Variants in KANK1 observed in about 807,000 individuals in gnomAD.
KANK1 encodes KN motif and ankyrin repeat domain-containing protein 1.
In KANK1, 109 loss-of-function variants were observed where a neutral mutation model predicts 106.2. The ratio of observed to expected loss-of-function variants is 1.03; its 90% CI spans 0.88 to 1.20. The LOEUF is 1.20. Ranked by LOEUF, KANK1 falls within the 50% of genes most tolerant of loss-of-function variation. The pLI is 0.00. For missense variants in KANK1, 2,399 were observed against 1,710.7 expected (o/e 1.40, Z -7.10); for synonymous variants, 873 against 652.2 (o/e 1.34, Z -5.16).
At chr9:717,499 G>A (rs945277781) in intron 3 of KANK1, among the ~76,000 whole-genome samples, 3 of 152,038 alleles carry the variant, frequency 2.0e-5, no homozygotes, top group African/African-American at 2.4e-5. Flanking sequence ...AAAAGGTCAC[G>A]AACATTTTTC....
At chr9:512,253 G>A (rs2059065417) in intron 1 of KANK1, among the ~76,000 whole-genome samples, 1 of 151,012 alleles carries the variant, frequency 6.6e-6, no homozygotes, top group Admixed American at 6.6e-5. Context: ...GTGTGTGTAT[G>A]TATATACACA....
intron 1 of KANK1, among the ~76,000 whole-genome samples, chr9:533,462 A>C (rs998077999): frequency 6.6e-6 from 1 of 152,250 alleles, no homozygotes. Context: ...TGGCAGGCAC[A>C]GTCTAAATAC....
At chr9:542,464 T>C (rs994067185) in intron 1 of KANK1, among the ~76,000 whole-genome samples, 2 of 152,248 alleles carry the variant, frequency 1.3e-5, no homozygotes, top group Non-Finnish European at 2.9e-5. Flanking sequence ...TTGATGAGAA[T>C]GTTAGTACAA....
chr9:519,765 T>C (rs1318761763), intron 1 of KANK1, among the ~76,000 whole-genome samples: 3 of 151,906 alleles, frequency 2.0e-5, no homozygotes, highest in Middle Eastern at 3.4e-3. Flanking sequence ...TTGAGCCTTG[T>C]CGTCTTTGAA....
intron 1 of KANK1, among the ~76,000 whole-genome samples, chr9:597,224 T>C (rs1438356458): frequency 6.6e-6 from 1 of 151,808 alleles, no homozygotes; most frequent in Non-Finnish European, 1.5e-5. Context: ...TTTCAGTTCT[T>C]TTAGGTTCAT....
chr9:574,318 A>C (rs983875460), intron 1 of KANK1, among the ~76,000 whole-genome samples: 1 of 152,198 alleles, frequency 6.6e-6, no homozygotes, highest in South Asian at 2.1e-4. Flanking sequence ...GGCTCGAGGG[A>C]ACATTCCTTT....
rs1256620836 is a variant in KANK1 at position 712,458 on chromosome 9, G to T, written c.1692G>T (p.Leu564=). The part of the protein sequence containing the change: ...ECKNKVVGPE[L]PMNWWIVKER... ...AGAATAAAGTCGTAGGGCCTGAGCTGCCTATGAATTGGTGGATTGTTAAGG... is the reference window on the plus strand; with the variant it reads ...AGAATAAAGTCGTAGGGCCTGAGCTTCCTATGAATTGGTGGATTGTTAAGG... The change falls in exon 3 of 12, where the codon CTG becomes CTT. Residue 564 remains leucine, a synonymous_variant. Coordinates refer to ENST00000382297, the MANE Select transcript of KANK1 (RefSeq NM_015158.5). The T allele has an allele frequency of 6.2e-7, 1 of 1,614,200 alleles. No individual in the cohort carries two copies. Among genetic ancestry groups the T allele is most frequent in the Admixed American group, 1.7e-5 (1 of 60,022 alleles).
chr9:602,516 C>A (rs925009733), intron 1 of KANK1, among the ~76,000 whole-genome samples: 4 of 151,762 alleles, frequency 2.6e-5, no homozygotes, highest in African/African-American at 9.7e-5. Context: ...CCTCAGCCTC[C>A]CAAAGTGCTG....
chr9:695,411 A>G (rs957240705), intron 2 of KANK1, among the ~76,000 whole-genome samples: 1 of 152,078 alleles, frequency 6.6e-6, no homozygotes. Flanking sequence ...CCTGTGCTGG[A>G]CTGGGACTCC....
intron 3 of KANK1, among the ~76,000 whole-genome samples, chr9:724,209 A>G (rs934674177): frequency 6.6e-6 from 1 of 152,142 alleles, no homozygotes; most frequent in African/African-American, 2.4e-5. Flanking sequence ...TGCATTTTTT[A>G]GAGTTCTTTT....
intron 1 of KANK1, among the ~76,000 whole-genome samples, chr9:663,438 G>T (rs979565493): frequency 2.0e-5 from 3 of 152,178 alleles, no homozygotes; most frequent in African/African-American, 7.2e-5. Context: ...AAGCAAATCA[G>T]TAAATACTGT....
At chr9:596,017 G>C (rs906846060) in intron 1 of KANK1, among the ~76,000 whole-genome samples, 1 of 151,846 alleles carries the variant, frequency 6.6e-6, no homozygotes, top group Non-Finnish European at 1.5e-5. Flanking sequence ...TGAGACACAA[G>C]TCTAAATAAC....
chr9:678,628 TAAG>T (rs1816876481), intron 2 of KANK1, among the ~76,000 whole-genome samples: 1 of 152,062 alleles, frequency 6.6e-6, no homozygotes, highest in South Asian at 2.1e-4. Flanking sequence ...CTTAGGAGGC[TAAG>T]ACAGGAATGG....
At chr9:663,150 T>G (rs7874470) in intron 1 of KANK1, among the ~76,000 whole-genome samples, 127,651 of 152,200 alleles carry the variant, frequency 0.84, 53,676 homozygotes, top group East Asian at 0.97. Context: ...AGGAAAAATT[T>G]TTGCTAAGCA....
intron 1 of KANK1, among the ~76,000 whole-genome samples, chr9:514,133 TCCC>T (rs2059158426): frequency 1.4e-5 from 1 of 73,508 alleles, no homozygotes; most frequent in South Asian, 6.2e-4. Flanking sequence ...TCTCTCTCCC[TCCC>T]TCCCTCCCTT....
chr9:589,730 T>C (rs1824374270), intron 1 of KANK1, among the ~76,000 whole-genome samples: 1 of 152,154 alleles, frequency 6.6e-6, no homozygotes. Context: ...GATTGTGGCC[T>C]GAATGAAGAA....
rs3028166 is a variant in KANK1 at position 598,620 on chromosome 9, C to CTTTTTTTTTTTTTTTTTT, written c.-83-78257_-83-78240dup. Among the ~76,000 whole-genome samples, 14 of 46,678 alleles carry CTTTTTTTTTTTTTTTTTT rather than the reference C, an allele frequency of 3.0e-4. 3 individuals are homozygous for CTTTTTTTTTTTTTTTTTT. Among genetic ancestry groups the CTTTTTTTTTTTTTTTTTT allele is most frequent in the Admixed American group, 6.2e-4 (2 of 3,234 alleles). 30.6% of individuals were successfully genotyped at this position (46,678 alleles called of 152,430 possible). On this transcript the variant is annotated intron_variant, in intron 1 of 11. Coordinates refer to ENST00000382297, the MANE Select transcript of KANK1 (RefSeq NM_015158.5). The stretch of plus-strand genomic sequence containing the variant: ...TTTTTTGTTTTGTTTTGTTGGTTTT[C>CTTTTTTTTTTTTTTTTTT]TTTTTTTTTTTTTTTTTTTTTTTTT...
rs1444350424 is a variant in KANK1, at chr9:712,249, G to C, written c.1483G>C (p.Ala495Pro). 6.2e-7 allele frequency: 1 copy of C among 1,614,050 alleles called. No homozygotes were observed. The highest frequency in any genetic ancestry group is 1.1e-5 in the South Asian group (1 of 91,076). ...TAAACTGAAACAAGAGCTGCAGGCTGCTGGATCGAGGAAAAAGGTTGACAA... is the reference window on the plus strand; with the variant it reads ...TAAACTGAAACAAGAGCTGCAGGCTCCTGGATCGAGGAAAAAGGTTGACAA... The part of the protein sequence containing the change: ...MTKLKQELQA[A>P]GSRKKVDKAT... The change falls in exon 3 of 12, where the codon GCT (alanine) becomes CCT (proline). Residue 495 changes from alanine (A) to proline (P), a missense_variant. By Grantham distance (27) the Ala-to-Pro change is conservative. Transcript: ENST00000382297.
In KANK1 at chr9:730,196, T is replaced by C. The variant is rs777419125; in HGVS notation, c.2844T>C (p.Gly948=). 1.2e-6 allele frequency: 2 copies of C among 1,614,152 alleles called. No homozygotes were observed. The highest frequency in any genetic ancestry group is 1.7e-6 in the Non-Finnish European group (2 of 1,180,020). Reference sequence around the variant, plus strand: ...TGGATGCCTTCCCCACTCAGGAAGGTACGCTGTCTCCAGTGAACCTGACAG... The same window carrying C: ...TGGATGCCTTCCCCACTCAGGAAGGCACGCTGTCTCCAGTGAACCTGACAG... ...SSLDAFPTQE[G]TLSPVNLTDD... is the part of the protein sequence containing the mutation. Residue 948 remains glycine (G), a synonymous_variant, in exon 4 of 12, where the codon GGT becomes GGC. Transcript: ENST00000382297.
Sources: allele counts gnomAD v4.1 joint callset (sites outside exome capture counted in the v4.1 genomes callset), GRCh38; gene constraint gnomAD v4.1.1; transcripts MANE v1.5; gene names NCBI Gene and HGNC (gene_info 2026-07-23, HGNC 2026-07-21).